Variants in WWOX observed in about 807,000 individuals in gnomAD.
WWOX encodes the protein WW domain-containing oxidoreductase.
WWOX carries 69 observed loss-of-function variants against 46.2 expected under a neutral mutation model. The observed-to-expected ratio is 1.49, with a 90% CI of 1.23 to 1.82. The LOEUF is 1.82. Ranked by LOEUF, WWOX falls within the 40% of genes most tolerant of loss-of-function variation. The probability of loss-of-function intolerance (pLI) is 0.00; values close to 1 mark genes in which losing one functional copy is unlikely to be tolerated. For missense variants in WWOX, 919 were observed against 542.6 expected (o/e 1.69, Z -6.89); for synonymous variants, 359 against 202.6 (o/e 1.77, Z -6.56).
chr16:79,205,033 G>A (rs1449840156), intron 8 of WWOX: 1 of 152,142 alleles, frequency 6.6e-6, no homozygotes. Flanking sequence ...AGCCAGACTC[G>A]GATTTGGGGG....
chr16:78,106,032 G>C (rs1235640769), intron 1 of WWOX, among the ~76,000 whole-genome samples: 1 of 152,084 alleles, frequency 6.6e-6, no homozygotes, highest in Non-Finnish European at 1.5e-5. Context: ...GATCTCCTGG[G>C]CTCTAGCGAT....
intron 8 of WWOX, among the ~76,000 whole-genome samples, chr16:78,642,277 A>G (rs547831368): frequency 6.6e-6 from 1 of 152,306 alleles, no homozygotes; most frequent in South Asian, 2.1e-4. Flanking sequence ...TGGAGAATGT[A>G]GGGAGGAGGT....
chr16:78,507,391 GT>G (rs2085236201), intron 8 of WWOX, among the ~76,000 whole-genome samples: 1 of 152,154 alleles, frequency 6.6e-6, no homozygotes, highest in South Asian at 2.1e-4. Flanking sequence ...AACAAACAAT[GT>G]TGCTGAGAAG....
At chr16:78,928,225 C>T (rs1230100968) in intron 8 of WWOX, among the ~76,000 whole-genome samples, 9 of 135,998 alleles carry the variant, frequency 6.6e-5, no homozygotes, top group African/African-American at 2.6e-4. Context: ...TTTTTTGAGA[C>T]GGAGTCTCGC....
chr16:78,603,056 G>T (rs2045661371), intron 8 of WWOX, among the ~76,000 whole-genome samples: 1 of 152,208 alleles, frequency 6.6e-6, no homozygotes, highest in Non-Finnish European at 1.5e-5. Flanking sequence ...CGGGGTGGAG[G>T]TGGAGTACTA....
At chr16:78,403,671 C>T (rs763302293) in intron 6 of WWOX, among the ~76,000 whole-genome samples, 2 of 152,216 alleles carry the variant, frequency 1.3e-5, no homozygotes, top group Admixed American at 6.5e-5. Flanking sequence ...CTGTGCCAGG[C>T]CCTGGATGAG....
chr16:78,573,745 C>T (rs1567654239), intron 8 of WWOX, among the ~76,000 whole-genome samples: 1 of 152,202 alleles, frequency 6.6e-6, no homozygotes, highest in Non-Finnish European at 1.5e-5. Flanking sequence ...CACTTGCTTC[C>T]TGTCCTTGCC....
chr16:78,452,458 C>CT (rs1464634509), intron 8 of WWOX, among the ~76,000 whole-genome samples: 1 of 147,898 alleles, frequency 6.8e-6, no homozygotes, highest in Non-Finnish European at 1.5e-5. Context: ...CTAATAAATA[C>CT]TTTTTTCTCT....
chr16:79,141,978 C>G (rs2050098892), intron 8 of WWOX, among the ~76,000 whole-genome samples: 1 of 152,210 alleles, frequency 6.6e-6, no homozygotes, highest in Non-Finnish European at 1.5e-5. Context: ...GAGGAGATGT[C>G]TACACGGTGT....
chr16:79,016,736 T>G (rs867115396), intron 8 of WWOX: 3 of 152,212 alleles, frequency 2.0e-5, no homozygotes, highest in Non-Finnish European at 4.4e-5. Context: ...AACTCCTGTT[T>G]CTGTTTTTAT....
chr16:78,390,270 T>G (rs1018686253), intron 6 of WWOX, among the ~76,000 whole-genome samples: 1 of 152,232 alleles, frequency 6.6e-6, no homozygotes, highest in African/African-American at 2.4e-5. Context: ...GAGCCAACTG[T>G]TACATAATAG....
At chr16:78,496,600 C>G (rs2084925095) in intron 8 of WWOX, among the ~76,000 whole-genome samples, 1 of 152,226 alleles carries the variant, frequency 6.6e-6, no homozygotes, top group African/African-American at 2.4e-5. Context: ...TCCCATTACA[C>G]TGCTTTCTTT....
At chr16:78,549,630 C>A (rs1317213315) in intron 8 of WWOX, among the ~76,000 whole-genome samples, 1 of 152,128 alleles carries the variant, frequency 6.6e-6, no homozygotes, top group Non-Finnish European at 1.5e-5. Context: ...GATTAGGCTG[C>A]TAATCTGCAA....
chr16:78,397,932 A>G (rs979726287), intron 6 of WWOX, among the ~76,000 whole-genome samples: 4 of 152,160 alleles, frequency 2.6e-5, no homozygotes, highest in African/African-American at 9.7e-5. Context: ...TACTCAGACT[A>G]TTTTCCAACC....
intron 8 of WWOX, among the ~76,000 whole-genome samples, chr16:78,445,098 C>A (rs2083529328): frequency 6.6e-6 from 1 of 152,180 alleles, no homozygotes. Flanking sequence ...GCAGACCTTT[C>A]TGGACGTACC....
chr16:78,376,979 C>T (rs990687907), intron 5 of WWOX, among the ~76,000 whole-genome samples: 9 of 152,176 alleles, frequency 5.9e-5, no homozygotes, highest in East Asian at 1.9e-4. Flanking sequence ...TATTGACTTG[C>T]GACTTGCGGC....
intron 5 of WWOX, among the ~76,000 whole-genome samples, chr16:78,224,967 AT>A (rs2037002850): frequency 6.6e-6 from 1 of 152,200 alleles, no homozygotes; most frequent in Non-Finnish European, 1.5e-5. Flanking sequence ...AATGGTAAGA[AT>A]TTTTATGTGT....
rs375815665 is a variant in WWOX, at chr16:78,770,532, C to T, written c.1056+337780C>T. On this transcript the variant is annotated intron_variant, in intron 8 of 8. Transcript: ENST00000566780. ...GCAGAAAGGTTCTCACTGAAGCCCC[C>T]ATAAAGGTGGGACTCACTGGGAAAC... is the stretch of plus-strand genomic sequence containing the variant. Among the ~76,000 whole-genome samples the T allele has an allele frequency of 2.6e-4, 40 of 152,202 alleles. No homozygotes were observed. The East Asian group carries it at 6.2e-3, about 24-fold the overall frequency.
At chr16:78,671,137 G>T (rs1045434048) in intron 8 of WWOX, among the ~76,000 whole-genome samples, 3 of 152,162 alleles carry the variant, frequency 2.0e-5, no homozygotes, top group Admixed American at 6.5e-5. Flanking sequence ...ATAAATTGCT[G>T]TTGGGCCAGG....
Sources: gnomAD v4.1 joint callset for allele counts (sites outside exome capture counted in the v4.1 genomes callset) on GRCh38, gnomAD v4.1.1 for gene constraint, MANE v1.5 for transcripts, NCBI Gene and HGNC (gene_info 2026-07-23, HGNC 2026-07-21) for gene names.